The following ARL15 variants were observed in gnomAD, a reference collection of about 807,000 sequenced individuals.
The protein encoded by ARL15 is ARF like GTPase 15.
A neutral mutation model predicts 25.2 loss-of-function variants in ARL15; 19 were observed. The ratio of observed to expected loss-of-function variants is 0.75; its 90% CI spans 0.53 to 1.10. The LOEUF (loss-of-function observed/expected upper bound fraction) is 1.10. ARL15 is among the 50% of genes least tolerant of loss of function. The probability of loss-of-function intolerance (pLI) is 0.00; values close to 1 mark genes in which losing one functional copy is unlikely to be tolerated. For synonymous variants in ARL15, 94 were observed against 86.8 expected (o/e 1.08, Z -0.46); for missense variants, 220 against 246.0 (o/e 0.89, Z 0.71).
In ARL15 at chr5:54,173,628, A is replaced by G. The variant is rs1474383217; in HGVS notation, c.49-1700T>C. 6.6e-5 allele frequency among the ~76,000 whole-genome samples: 10 copies of G among 152,280 alleles called. No individual in the cohort carries two copies. The East Asian group carries it at 1.4e-3, about 21-fold the overall frequency. ...CCACTTCTGTCCAGCCCAGGCCATC[A>G]TCACCTGAACAACATCAATATCCTC... On this transcript the variant is annotated intron_variant, in intron 1 of 4. Coordinates refer to ENST00000504924, the MANE Select transcript of ARL15 (RefSeq NM_019087.3).
intron 1 of ARL15, among the ~76,000 whole-genome samples, chr5:54,203,766 GTT>G (rs1755783819): frequency 6.6e-6 from 1 of 152,100 alleles, no homozygotes; most frequent in African/African-American, 2.4e-5. Flanking sequence ...GGTCAATAAT[GTT>G]TTCAGTAATC....
intron 4 of ARL15, among the ~76,000 whole-genome samples, chr5:53,960,568 T>C (rs775748128): frequency 6.6e-6 from 1 of 152,202 alleles, no homozygotes; most frequent in Non-Finnish European, 1.5e-5. Flanking sequence ...ATCTCTCTTG[T>C]GGTTATTTTG....
intron 4 of ARL15, among the ~76,000 whole-genome samples, chr5:53,959,597 A>C (rs571314550): frequency 9.2e-5 from 14 of 152,098 alleles, no homozygotes; most frequent in African/African-American, 3.1e-4. Flanking sequence ...GGGTAACGAT[A>C]CTCTGCCTCT....
intron 4 of ARL15, among the ~76,000 whole-genome samples, chr5:53,902,199 C>T (rs140640539): frequency 1.8e-3 from 270 of 152,254 alleles, no homozygotes; most frequent in Admixed American, 3.9e-3. Context: ...TTCTGTTATA[C>T]GAGGCTGTGT....
chr5:54,183,921 T>TA, intron 1 of ARL15, among the ~76,000 whole-genome samples: 1 of 145,604 alleles, frequency 6.9e-6, no homozygotes, highest in South Asian at 2.3e-4. Context: ...TATGCAGCCA[T>TA]AAAAAATGAT....
chr5:54,200,818 CAGAT>C (rs1755701590), intron 1 of ARL15, among the ~76,000 whole-genome samples: 1 of 152,176 alleles, frequency 6.6e-6, no homozygotes, highest in Non-Finnish European at 1.5e-5. Context: ...TACTCTATCA[CAGAT>C]AGGCGAAAAC....
chr5:53,953,633 G>A (rs1394575110), intron 4 of ARL15, among the ~76,000 whole-genome samples: 1 of 152,148 alleles, frequency 6.6e-6, no homozygotes, highest in African/African-American at 2.4e-5. Flanking sequence ...GAGGGCAAAG[G>A]TGGTAGGGAT....
chr5:53,935,067 A>T (rs1034396388), intron 4 of ARL15, among the ~76,000 whole-genome samples: 1 of 152,260 alleles, frequency 6.6e-6, no homozygotes, highest in Non-Finnish European at 1.5e-5. Context: ...AGGGATAAAA[A>T]GAGGAGGGAG....
At chr5:54,042,167 C>T (rs893036144) in intron 4 of ARL15, among the ~76,000 whole-genome samples, 4 of 152,040 alleles carry the variant, frequency 2.6e-5, no homozygotes, top group Admixed American at 1.3e-4. Context: ...GATGGAGTTT[C>T]GCCATGTTGG....
chr5:53,952,640 ATACT>A (rs1747016056), intron 4 of ARL15, among the ~76,000 whole-genome samples: 1 of 152,346 alleles, frequency 6.6e-6, no homozygotes, highest in Non-Finnish European at 1.5e-5. Flanking sequence ...CTCTAGGGAA[ATACT>A]TAATTCTACT....
chr5:54,085,363 A>G (rs1751932863), intron 4 of ARL15, among the ~76,000 whole-genome samples: 1 of 152,202 alleles, frequency 6.6e-6, no homozygotes, highest in Admixed American at 6.5e-5. Flanking sequence ...GCTATAGTTT[A>G]CAGCAAAGCA....
chr5:54,178,952 A>G lies in ARL15; in HGVS notation c.49-7024T>C, dbSNP rs116318671. Among the ~76,000 whole-genome samples, 563 of 152,346 alleles carry G rather than the reference A, an allele frequency of 3.7e-3. 3 individuals carry two copies. The highest frequency in any genetic ancestry group is 0.013 in the South Asian group (63 of 4,826). The stretch of plus-strand genomic sequence containing the variant: ...GCGGGTGTCCTAGTAAATTAAAAAT[A>G]AAACTGTATTGAACAGCAGATATAA... On this transcript the variant is annotated intron_variant, in intron 1 of 4. Transcript: ENST00000504924.
At chr5:53,990,300 A>G (rs1293997878) in intron 4 of ARL15, among the ~76,000 whole-genome samples, 4 of 152,172 alleles carry the variant, frequency 2.6e-5, no homozygotes, top group African/African-American at 9.7e-5. Context: ...ACCCACTGCA[A>G]TTGTTACATA....
intron 4 of ARL15, among the ~76,000 whole-genome samples, chr5:54,096,935 T>C (rs1488965544): frequency 2.0e-5 from 3 of 152,134 alleles, no homozygotes; most frequent in Non-Finnish European, 2.9e-5. Context: ...AAATTATTCT[T>C]AACACAGCCA....
At chr5:54,176,564 T>C (rs916654995) in intron 1 of ARL15, among the ~76,000 whole-genome samples, 1 of 152,170 alleles carries the variant, frequency 6.6e-6, no homozygotes, top group Non-Finnish European at 1.5e-5. Context: ...AGTAAGCCCC[T>C]TTCACTGTTG....
chr5:54,293,635 CCT>C (rs756421274), intron 1 of ARL15, among the ~76,000 whole-genome samples: 3 of 152,122 alleles, frequency 2.0e-5, no homozygotes, highest in Non-Finnish European at 2.9e-5. Flanking sequence ...TGCATGAACC[CCT>C]TTCTGTGATG....
At chr5:53,907,520 C>T (rs1218376271) in intron 4 of ARL15, among the ~76,000 whole-genome samples, 5 of 36,604 alleles carry the variant, frequency 1.4e-4, no homozygotes, top group African/African-American at 4.1e-4. Flanking sequence ...TTTTTTGAGG[C>T]GGACTCTTAC....
intron 3 of ARL15, among the ~76,000 whole-genome samples, chr5:54,132,275 T>C (rs902053106): frequency 1.3e-5 from 2 of 152,036 alleles, no homozygotes; most frequent in Non-Finnish European, 2.9e-5. Context: ...TTTAATTCTC[T>C]CCAAATTTAA....
intron 4 of ARL15, among the ~76,000 whole-genome samples, chr5:53,895,443 C>T (rs1744841483): frequency 1.3e-5 from 2 of 152,194 alleles, no homozygotes; most frequent in Admixed American, 6.5e-5. Flanking sequence ...ACCACAAGAA[C>T]AAGCCAGGGC....
Sources: gnomAD v4.1 joint callset for allele counts (sites outside exome capture counted in the v4.1 genomes callset) on GRCh38, gnomAD v4.1.1 for gene constraint, MANE v1.5 for transcripts, NCBI Gene and HGNC (gene_info 2026-07-23, HGNC 2026-07-21) for gene names.